The following ACSBG2 variants were observed in gnomAD, a reference collection of about 807,000 sequenced individuals.
ACSBG2 encodes long-chain-fatty-acid--CoA ligase ACSBG2.
ACSBG2 carries 62 observed loss-of-function variants against 74.7 expected under a neutral mutation model. That is an observed-to-expected ratio of 0.83 (90% CI 0.68 to 1.03). The LOEUF (loss-of-function observed/expected upper bound fraction) is 1.03. Ranked by LOEUF, ACSBG2 falls within the 50% of genes least tolerant of loss-of-function variation. ACSBG2 has a pLI of 0.00. For missense variants in ACSBG2, 730 were observed against 817.6 expected (o/e 0.89, Z 1.31); for synonymous variants, 309 against 294.1 (o/e 1.05, Z -0.52).
chr19:6,136,107 ATTT>A (rs1192884818), intron 1 of ACSBG2, among the ~76,000 whole-genome samples, 198 bp downstream of exon 1: 3 of 138,738 alleles, frequency 2.2e-5, no homozygotes, highest in African/African-American at 2.7e-5. Context: ...TGTCCAGCTA[ATTT>A]TTTTTTTTTT....
At chr19:6,146,384 C>T (rs1388622797) in intron 2 of ACSBG2, among the ~76,000 whole-genome samples, 1 of 151,858 alleles carries the variant, frequency 6.6e-6, no homozygotes, top group East Asian at 1.9e-4. Context: ...GCAGAAGAAT[C>T]GCTTGAACCT....
At chr19:6,150,528 T>C (rs995081375) in intron 3 of ACSBG2, among the ~76,000 whole-genome samples, 1 of 151,962 alleles carries the variant, frequency 6.6e-6, no homozygotes, top group Non-Finnish European at 1.5e-5. Context: ...AGGAAGGAAA[T>C]TCTGACACAT....
intron 8 of ACSBG2, 58 bp downstream of exon 8, chr19:6,177,454 G>A: frequency 6.6e-7 from 1 of 1,504,784 alleles, no homozygotes; most frequent in Non-Finnish European, 8.9e-7. Context: ...GCCCAGGTGA[G>A]TAGATGGTTG....
rs78305737 is a variant in ACSBG2, at chr19:6,152,826, G to A, written c.386+1031G>A. On this transcript the variant is annotated intron_variant, in intron 4 of 14. Coordinates refer to ENST00000588485, the MANE Select transcript of ACSBG2 (RefSeq NM_030924.5). ...TTAAACCATGAGATGCCTTCTGGAT[G>A]GGATTCTCGGTAATATTTTGAAATG... Among the ~76,000 whole-genome samples, 9 of 152,026 alleles carry A rather than the reference G, an allele frequency of 5.9e-5. No homozygotes were observed. The South Asian group carries it at 6.2e-4, about 11-fold the overall frequency.
chr19:6,138,213 A>AAC (rs2088654260), intron 1 of ACSBG2, among the ~76,000 whole-genome samples: 1 of 152,248 alleles, frequency 6.6e-6, no homozygotes, highest in Admixed American at 6.5e-5. Context: ...TAAGGAAGTA[A>AAC]ACATCCCCTC....
chr19:6,171,331 T>G (rs145474296), intron 7 of ACSBG2, among the ~76,000 whole-genome samples: 12 of 152,306 alleles, frequency 7.9e-5, no homozygotes, highest in Non-Finnish European at 1.6e-4. Flanking sequence ...TGTGCTTACA[T>G]GTACTTTTAT....
At position 6,187,722 on chromosome 19, in the gene ACSBG2, C is replaced by T; in HGVS notation, c.1804C>T (p.Leu602=). 1 of 1,614,186 alleles carries T rather than the reference C, an allele frequency of 6.2e-7. No homozygotes were observed. The highest frequency in any genetic ancestry group is 8.5e-7 in the Non-Finnish European group (1 of 1,180,030). ...VTEIVKQQDP[L]VYKAIQQGIN... Reference sequence around the variant, plus strand: ...TGAGATTGTGAAGCAGCAAGACCCCCTGGTCTACAAGGCCATCCAGCAAGG... The same window carrying T: ...TGAGATTGTGAAGCAGCAAGACCCCTTGGTCTACAAGGCCATCCAGCAAGG... The change falls in exon 13 of 15, where the codon CTG becomes TTG. Residue 602 remains leucine, a synonymous_variant. Coordinates refer to ENST00000588485, the MANE Select transcript of ACSBG2 (RefSeq NM_030924.5).
chr19:6,165,745 ATCCTAAGCCC>A, intron 6 of ACSBG2, 111 bp from the exon 7 acceptor site: 1 of 1,228,178 alleles, frequency 8.1e-7, no homozygotes, highest in Non-Finnish European at 1.1e-6. Context: ...GGACTGGCAC[ATCCTAAGCCC>A]TTCCACCTGC....
At chr19:6,147,048 CTG>C (rs1300932369) in intron 2 of ACSBG2, among the ~76,000 whole-genome samples, 2 of 151,920 alleles carry the variant, frequency 1.3e-5, no homozygotes, top group African/African-American at 2.4e-5. Context: ...TTGCAGTGAG[CTG>C]TGATTGTGCC....
chr19:6,147,081 C>G (rs1184233377), intron 2 of ACSBG2, among the ~76,000 whole-genome samples: 1 of 150,324 alleles, frequency 6.7e-6, no homozygotes. Flanking sequence ...AGCCTGCTGA[C>G]AGAGCAAGAC....
intron 11 of ACSBG2, among the ~76,000 whole-genome samples, chr19:6,186,448 G>A (rs1390046203): frequency 5.3e-5 from 8 of 152,194 alleles, no homozygotes; most frequent in Admixed American, 4.6e-4. Flanking sequence ...AAATTGAATA[G>A]TGGCCTGGAT....
At chr19:6,151,205 G>T (rs1314351864) in intron 3 of ACSBG2, among the ~76,000 whole-genome samples, 1 of 151,770 alleles carries the variant, frequency 6.6e-6, no homozygotes, top group East Asian at 1.9e-4. Context: ...AATAATAAAT[G>T]GTGTGTTATG....
chr19:6,190,318 C>A, intron 13 of ACSBG2: 1 of 405,784 alleles, frequency 2.5e-6, no homozygotes, highest in Non-Finnish European at 4.6e-6. Context: ...GATATCCCTC[C>A]TCCATTGGGT....
rs118188266 is a variant in ACSBG2, at chr19:6,141,497, C to T, written c.-31-16C>T. On this transcript the variant is annotated splice_polypyrimidine_tract_variant and intron_variant, in intron 1 of 14. Coordinates refer to ENST00000588485, the MANE Select transcript of ACSBG2 (RefSeq NM_030924.5). ...TTTGCCAATCCTGTTAAACTCCCTG[C>T]TTTTTTGCTTTGCAGTGCTGTGGAG... 1,608 of 1,351,326 alleles carry T rather than the reference C, an allele frequency of 1.2e-3. 6 individuals carry two copies. The highest frequency in any genetic ancestry group is 0.01 in the East Asian group (457 of 43,638). The allele number at this position is 1,351,326 out of a possible 1,614,324, so 83.7% of individuals were successfully genotyped here.
chr19:6,169,239 TTC>T (rs2089899585), intron 7 of ACSBG2, among the ~76,000 whole-genome samples: 1 of 152,348 alleles, frequency 6.6e-6, no homozygotes, highest in African/African-American at 2.4e-5. Flanking sequence ...TAGTCATAAA[TTC>T]TCTGCCTAGC....
At chr19:6,165,583 T>C (rs552315011) in intron 6 of ACSBG2, among the ~76,000 whole-genome samples, 5 of 152,328 alleles carry the variant, frequency 3.3e-5, no homozygotes, top group Non-Finnish European at 7.4e-5. Flanking sequence ...ACTCTCTTAC[T>C]GCTTAGAACA....
chr19:6,147,418 G>T (rs1202270598), intron 2 of ACSBG2, 28 bp from the exon 3 acceptor site: 1 of 1,585,712 alleles, frequency 6.3e-7, no homozygotes, highest in Non-Finnish European at 8.7e-7. Context: ...AAAAACATTT[G>T]CCACCCAACT....
chr19:6,137,755 C>A (rs1417333292), intron 1 of ACSBG2, among the ~76,000 whole-genome samples: 1 of 152,194 alleles, frequency 6.6e-6, no homozygotes, highest in East Asian at 1.9e-4. Flanking sequence ...TCAAGCAATT[C>A]TCCCACCTCA....
chr19:6,140,948 C>T (rs2088804990), intron 1 of ACSBG2, among the ~76,000 whole-genome samples: 1 of 152,058 alleles, frequency 6.6e-6, no homozygotes, highest in African/African-American at 2.4e-5. Context: ...CCCGCTTTCC[C>T]ATTGGGTTTT....
Sources: allele counts gnomAD v4.1 joint callset (sites outside exome capture counted in the v4.1 genomes callset), GRCh38; gene constraint gnomAD v4.1.1; transcripts MANE v1.5; gene names NCBI Gene and HGNC (gene_info 2026-07-23, HGNC 2026-07-21).